The following TSC22D3 variants were observed in gnomAD, a reference collection of about 807,000 sequenced individuals.
The protein encoded by TSC22D3 is TSC22 domain family protein 3.
Under a neutral mutation model 11.1 loss-of-function variants are expected in TSC22D3, and 4 were observed. That is an observed-to-expected ratio of 0.36 (90% CI 0.18 to 0.83). TSC22D3 has a LOEUF of 0.83. Ranked by LOEUF, TSC22D3 falls within the 40% of genes least tolerant of loss-of-function variation. TSC22D3 has a pLI of 0.48. For synonymous variants in TSC22D3, 77 were observed against 70.3 expected, an observed-to-expected ratio of 1.10 and a Z score of -0.48; for missense variants, 118 against 159.4, an observed-to-expected ratio of 0.74 and a Z score of 1.40.
chrX:107,715,677 AGGAG>A (rs1445910678), intron 2 of TSC22D3: 48 of 463,536 alleles, frequency 1.0e-4, no homozygotes, highest in Non-Finnish European at 1.8e-4. Flanking sequence ...CCTGAGATGG[AGGAG>A]GGAGGAAGAA....
intron 1 of TSC22D3, among the ~76,000 whole-genome samples, chrX:107,740,457 C>T (rs1928350293): frequency 8.9e-6 from 1 of 111,956 alleles, no homozygotes. Flanking sequence ...TGGCACACGC[C>T]TGTAGTCCCA....
intron 1 of TSC22D3, among the ~76,000 whole-genome samples, chrX:107,756,953 C>T (rs887408149): frequency 8.9e-6 from 1 of 112,328 alleles, no homozygotes; most frequent in African/African-American, 3.2e-5. Context: ...TCAGTCTTCC[C>T]GGGGAAGCCA....
intron 1 of TSC22D3, among the ~76,000 whole-genome samples, chrX:107,720,740 G>T (rs1402490791): frequency 1.9e-5 from 2 of 102,565 alleles, no homozygotes; most frequent in Non-Finnish European, 4.0e-5. Flanking sequence ...AACAACAAGG[G>T]CAGGGGAGAT....
intron 1 of TSC22D3, among the ~76,000 whole-genome samples, chrX:107,761,751 C>T (rs1952857987): frequency 8.9e-6 from 1 of 112,033 alleles, no homozygotes; most frequent in African/African-American, 3.2e-5. Flanking sequence ...GAGAAAATTT[C>T]CCTGCTCCTA....
At chrX:107,755,781 C>T (rs1173983896) in intron 1 of TSC22D3, among the ~76,000 whole-genome samples, 1 of 112,288 alleles carries the variant, frequency 8.9e-6, no homozygotes, top group Non-Finnish European at 1.9e-5. Context: ...AACCTCTTGA[C>T]TTGCTTCCTG....
chrX:107,746,950 G>A (rs1928693422), intron 1 of TSC22D3, among the ~76,000 whole-genome samples: 1 of 112,641 alleles, frequency 8.9e-6, no homozygotes, highest in Non-Finnish European at 1.9e-5. Context: ...CCCTCACAGA[G>A]TTCACTCCCT....
rs1445043189 is a variant in TSC22D3, at chrX:107,774,871, C to T, written c.320+229G>A. On this transcript the variant is annotated intron_variant, in intron 1 of 2. Transcript: ENST00000372383. ...CCCACCTTCTAGGCCCCAGCGTCCC[C>T]ATCAGAAAGCCTTTGCAGGCAGCTT... The T allele has an allele frequency of 9.2e-6, 4 of 434,727 alleles. No individual in the cohort carries two copies. In the Admixed American group the frequency reaches 1.6e-4, roughly 18 times the overall value. The allele number at this position is 434,727 out of a possible 1,213,427, so 35.8% of individuals were successfully genotyped here.
chrX:107,739,144 C>T (rs1928277670), intron 1 of TSC22D3, among the ~76,000 whole-genome samples: 2 of 113,211 alleles, frequency 1.8e-5, no homozygotes, highest in South Asian at 3.6e-4. Context: ...TGCCAACCAT[C>T]GGAAGTGCCC....
chrX:107,740,365 C>T (rs919375728), intron 1 of TSC22D3, among the ~76,000 whole-genome samples: 2 of 111,667 alleles, frequency 1.8e-5, no homozygotes, highest in Admixed American at 1.9e-4. Flanking sequence ...GGGCGGATCA[C>T]GAGGTCAAGA....
At chrX:107,753,112 C>A (rs1248866089) in intron 1 of TSC22D3, among the ~76,000 whole-genome samples, 1 of 110,925 alleles carries the variant, frequency 9.0e-6, no homozygotes, top group Non-Finnish European at 1.9e-5. Context: ...AGGCCAGGAG[C>A]AGTACAAGCC....
intron 1 of TSC22D3, among the ~76,000 whole-genome samples, chrX:107,719,445 T>C (rs1428774291): frequency 8.9e-6 from 1 of 112,348 alleles, no homozygotes; most frequent in African/African-American, 3.2e-5. Context: ...TAATAGAGCA[T>C]CAGCTATGGG....
intron 1 of TSC22D3, among the ~76,000 whole-genome samples, chrX:107,749,410 G>A (rs1457242578): frequency 9.1e-6 from 1 of 110,176 alleles, no homozygotes; most frequent in Non-Finnish European, 1.9e-5. Context: ...AAAGACAGGA[G>A]GACAGGAGGT....
At chrX:107,746,841 T>C (rs1928688118) in intron 1 of TSC22D3, among the ~76,000 whole-genome samples, 1 of 112,378 alleles carries the variant, frequency 8.9e-6, no homozygotes, top group East Asian at 2.8e-4. Context: ...CTTGGTGGAT[T>C]ACATTTGAAG....
chrX:107,747,251 C>T (rs1928714628), intron 1 of TSC22D3, among the ~76,000 whole-genome samples: 1 of 112,775 alleles, frequency 8.9e-6, no homozygotes, highest in African/African-American at 3.2e-5. Context: ...GCTTAGTCCC[C>T]CTTATCACAC....
intron 1 of TSC22D3, among the ~76,000 whole-genome samples, chrX:107,755,117 T>C (rs1266437132): frequency 8.9e-6 from 1 of 112,137 alleles, no homozygotes; most frequent in Non-Finnish European, 1.9e-5. Context: ...GAAATGAAAG[T>C]TCAAACTTTT....
At chrX:107,756,583 C>T (rs926799694) in intron 1 of TSC22D3, among the ~76,000 whole-genome samples, 4 of 112,306 alleles carry the variant, frequency 3.6e-5, no homozygotes, top group East Asian at 2.8e-4. Context: ...TAGACTGCTG[C>T]AAATGGCCAG....
At chrX:107,718,048 A>T (rs1927144333) in intron 1 of TSC22D3, among the ~76,000 whole-genome samples, 1 of 112,310 alleles carries the variant, frequency 8.9e-6, no homozygotes, top group Non-Finnish European at 1.9e-5. Flanking sequence ...TGATGGGCCC[A>T]GCCATGCACA....
At position 107,716,269 on chromosome X, in the gene TSC22D3, C is replaced by T. The variant is rs757771585; in HGVS notation, c.321-319G>A. On this transcript the variant is annotated intron_variant, in intron 1 of 2. Coordinates refer to ENST00000372383, the MANE Select transcript of TSC22D3 (RefSeq NM_198057.3). ...ATGCAAACAATGGGGCTGTGCGACC[C>T]GGGGAGTCCCCCACAGCCGGCCTAC... 147 of 924,977 alleles carry T rather than the reference C, an allele frequency of 1.6e-4. 1 individual carries two copies. In the African/African-American group the frequency reaches 2.6e-3, roughly 17 times the overall value. The allele number at this position is 924,977 out of a possible 1,213,427, so 76.2% of individuals were successfully genotyped here.
chrX:107,716,875 T>G, intron 1 of TSC22D3: 1 of 1,192,293 alleles, frequency 8.4e-7, no homozygotes, highest in South Asian at 1.8e-5. Flanking sequence ...GGCGGCTGGG[T>G]GGCTGCTGGC....
Sources: gnomAD v4.1 joint callset for allele counts (sites outside exome capture counted in the v4.1 genomes callset) on GRCh38, gnomAD v4.1.1 for gene constraint, MANE v1.5 for transcripts, NCBI Gene and HGNC (gene_info 2026-07-23, HGNC 2026-07-21) for gene names.